The following AGTPBP1 variants were observed in gnomAD, a reference collection of about 807,000 sequenced individuals.
AGTPBP1 encodes the protein cytosolic carboxypeptidase 1.
AGTPBP1 carries 70 observed loss-of-function variants against 143.9 expected under a neutral mutation model. The observed-to-expected ratio is 0.49, with a 90% confidence interval of 0.40 to 0.59. The LOEUF (loss-of-function observed/expected upper bound fraction) is 0.59, where lower values mean the gene tolerates loss of function less well. AGTPBP1 is among the 20% of genes least tolerant of loss of function. The pLI, the probability that AGTPBP1 is intolerant of heterozygous loss-of-function variation, is 0.00. For synonymous variants in AGTPBP1, 463 were observed against 500.2 expected (o/e 0.93, Z 0.99); for missense variants, 1,229 against 1,464.5 (o/e 0.84, Z 2.62).
At position 85,588,392 on chromosome 9, in the gene AGTPBP1, G is replaced by T; in HGVS notation, c.2809C>A (p.Leu937Ile). 1 of 1,613,598 alleles carries T rather than the reference G, an allele frequency of 6.2e-7. No homozygotes were observed. Among genetic ancestry groups the T allele is most frequent in the Non-Finnish European group, 8.5e-7 (1 of 1,179,716 alleles). Residue 937 changes from leucine (L) to isoleucine (I), a missense_variant, in exon 21 of 26, where the codon CTC becomes ATC. By Grantham distance (5) the Leu-to-Ile change is conservative (BLOSUM62 2). Around this residue, in one of 2 missense-constraint regions of AGTPBP1, gnomAD observed 486 missense variants for 652.3 expected, o/e 0.75. Coordinates refer to ENST00000357081, the MANE Select transcript of AGTPBP1 (RefSeq NM_001330701.2). Reference protein sequence around the residue: ...SWVMKGTLEYLMSNNPTAQSL... With the variant: ...SWVMKGTLEYIMSNNPTAQSL... ...TGAGCAGTGGGGTTATTGCTCATGA[G>T]ATATTCCAACGTTCCTTTCATAACC...
intron 6 of AGTPBP1, among the ~76,000 whole-genome samples, chr9:85,676,173 G>A (rs1391140307): frequency 6.6e-6 from 1 of 152,122 alleles, no homozygotes; most frequent in African/African-American, 2.4e-5. Flanking sequence ...GGAAAGCATA[G>A]GTAATCAAAG....
At chr9:85,600,468 T>A (rs944617550) in intron 17 of AGTPBP1, among the ~76,000 whole-genome samples, 29 of 151,990 alleles carry the variant, frequency 1.9e-4, no homozygotes, top group African/African-American at 7.0e-4. Flanking sequence ...AAATAGATCA[T>A]CTAAGACAGA....
At chr9:85,773,938 C>G in the AGTPBP1 span, 1 of 1,599,826 alleles carries the variant, frequency 6.3e-7, no homozygotes, top group Non-Finnish European at 8.6e-7. Context: ...GAATTAGAAT[C>G]TGCACTGGAC....
intron 25 of AGTPBP1, among the ~76,000 whole-genome samples, chr9:85,566,240 C>A (rs1827079519): frequency 6.6e-6 from 1 of 152,096 alleles, no homozygotes. Context: ...GGTATTGAAG[C>A]CAGGCACAGT....
the AGTPBP1 span, among the ~76,000 whole-genome samples, chr9:85,784,566 C>T: frequency 6.6e-6 from 1 of 152,280 alleles, no homozygotes; most frequent in Admixed American, 6.5e-5. Context: ...AACCACTGCA[C>T]CCAGCTAGGG....
chr9:85,784,647 A>G, the AGTPBP1 span, among the ~76,000 whole-genome samples: 3 of 152,216 alleles, frequency 2.0e-5, no homozygotes, highest in Admixed American at 1.3e-4. Flanking sequence ...TCTGTGGTCA[A>G]CTTAGTATGA....
At chr9:85,767,041 C>A in the AGTPBP1 span, among the ~76,000 whole-genome samples, 9 of 140,928 alleles carry the variant, frequency 6.4e-5, no homozygotes, top group Admixed American at 1.4e-4. Flanking sequence ...AATCCAGAAA[C>A]TAAAATTAAA....
At chr9:85,713,180 T>C (rs984679670) in intron 1 of AGTPBP1, among the ~76,000 whole-genome samples, 1 of 152,226 alleles carries the variant, frequency 6.6e-6, no homozygotes, top group African/African-American at 2.4e-5. Flanking sequence ...TACCAATGCT[T>C]ACTGTAGCAG....
the AGTPBP1 span, among the ~76,000 whole-genome samples, chr9:85,799,865 C>T: frequency 0.012 from 1,793 of 152,166 alleles, 22 homozygotes; most frequent in African/African-American, 0.039. Flanking sequence ...TGATGAGAGC[C>T]TCTGTAGGTA....
chr9:85,681,356 T>C, intron 3 of AGTPBP1, 21 bp from the exon 4 acceptor site: 2 of 1,605,114 alleles, frequency 1.2e-6, no homozygotes, highest in Non-Finnish European at 1.7e-6. Flanking sequence ...GCAAACAATT[T>C]TTTTCTCAAA....
At chr9:85,650,134 C>T (rs1032292124) in intron 11 of AGTPBP1, among the ~76,000 whole-genome samples, 1 of 150,084 alleles carries the variant, frequency 6.7e-6, no homozygotes, top group Non-Finnish European at 1.5e-5. Context: ...AAGTCATCAC[C>T]ATTTGGTGTC....
intron 14 of AGTPBP1, among the ~76,000 whole-genome samples, chr9:85,625,739 G>C (rs1831233499): frequency 1.3e-5 from 2 of 151,692 alleles, no homozygotes; most frequent in African/African-American, 4.8e-5. Flanking sequence ...CAAAAAATTA[G>C]CCAGAAGTGG....
intron 10 of AGTPBP1, 86 bp from the exon 11 acceptor site, chr9:85,655,406 T>C: frequency 8.8e-7 from 1 of 1,132,372 alleles, no homozygotes; most frequent in Non-Finnish European, 1.2e-6. Flanking sequence ...GTGTCATACA[T>C]TAATAATTTT....
At chr9:85,756,827 G>A in the AGTPBP1 span, among the ~76,000 whole-genome samples, 3 of 152,098 alleles carry the variant, frequency 2.0e-5, no homozygotes, top group Non-Finnish European at 2.9e-5. Context: ...TATGTTAAGT[G>A]AAAGAAACCA....
chr9:85,719,384 C>T (rs560501639), intron 1 of AGTPBP1, among the ~76,000 whole-genome samples: 4 of 152,150 alleles, frequency 2.6e-5, no homozygotes, highest in African/African-American at 4.8e-5. Context: ...TCCTTCACAA[C>T]CCTTGTATGT....
intron 25 of AGTPBP1, among the ~76,000 whole-genome samples, chr9:85,552,607 A>G (rs1329400784): frequency 2.6e-5 from 4 of 152,220 alleles, no homozygotes; most frequent in Non-Finnish European, 5.9e-5. Context: ...TAAAGCAGAG[A>G]TAACAATATC....
At chr9:85,747,436 T>G in the AGTPBP1 span, among the ~76,000 whole-genome samples, 1 of 152,324 alleles carries the variant, frequency 6.6e-6, no homozygotes, top group Admixed American at 6.5e-5. Flanking sequence ...TTGATAAGGA[T>G]TGTTGAATCT....
the AGTPBP1 span, among the ~76,000 whole-genome samples, chr9:85,796,394 G>A: frequency 1.3e-5 from 2 of 152,124 alleles, no homozygotes; most frequent in Non-Finnish European, 2.9e-5. Flanking sequence ...ATGCTTTTAC[G>A]TTTTATGTTG....
chr9:85,758,591 C>T, the AGTPBP1 span, among the ~76,000 whole-genome samples: 1 of 152,048 alleles, frequency 6.6e-6, no homozygotes, highest in African/African-American at 2.4e-5. Flanking sequence ...TTGCAGTGAG[C>T]CGAGACCATG....
Sources: gnomAD v4.1 joint callset for allele counts (sites outside exome capture counted in the v4.1 genomes callset) on GRCh38, gnomAD v4.1.1 for gene constraint, gnomAD v4.1.1 regional missense constraint, MANE v1.5 for transcripts, NCBI Gene and HGNC (gene_info 2026-07-23, HGNC 2026-07-21) for gene names.